The following EPHA6 variants were observed in gnomAD, a reference collection of about 807,000 sequenced individuals.
EPHA6 encodes EPH receptor A6.
EPHA6 carries 50 observed loss-of-function variants against 112.0 expected under a neutral mutation model. That is an observed-to-expected ratio of 0.45 (90% CI 0.36 to 0.56). The LOEUF is 0.56. Among genes scored for constraint, EPHA6 ranks in the 20% least tolerant of loss-of-function variants. The probability of loss-of-function intolerance (pLI) is 0.00; values close to 1 mark genes in which losing one functional copy is unlikely to be tolerated. For missense variants in EPHA6, 1,280 were observed against 1,417.4 expected, an observed-to-expected ratio of 0.90 and a Z score of 1.56; for synonymous variants, 529 against 490.7, an observed-to-expected ratio of 1.08 and a Z score of -1.03.
At chr3:96,876,949 T>G (rs1266406696) in intron 2 of EPHA6, among the ~76,000 whole-genome samples, 1 of 152,112 alleles carries the variant, frequency 6.6e-6, no homozygotes, top group African/African-American at 2.4e-5. Flanking sequence ...AATACTTAAA[T>G]GTCTATCTTT....
At chr3:97,173,337 C>T (rs1475996010) in intron 3 of EPHA6, among the ~76,000 whole-genome samples, 2 of 151,766 alleles carry the variant, frequency 1.3e-5, no homozygotes. Context: ...AATGTCTGTT[C>T]ATACAAAACA....
intron 3 of EPHA6, among the ~76,000 whole-genome samples, chr3:97,130,256 C>T (rs1387642771): frequency 2.6e-5 from 4 of 151,782 alleles, no homozygotes; most frequent in Non-Finnish European, 5.9e-5. Context: ...ATTCTCTTAC[C>T]ATCTCGGGGT....
chr3:97,677,124 G>A (rs1361349742), intron 14 of EPHA6, among the ~76,000 whole-genome samples: 3 of 152,142 alleles, frequency 2.0e-5, no homozygotes, highest in Non-Finnish European at 2.9e-5. Flanking sequence ...AAAAGCTTCA[G>A]TGTGTAACTC....
intron 3 of EPHA6, among the ~76,000 whole-genome samples, chr3:97,093,257 AG>A (rs1184374261): frequency 3.3e-5 from 5 of 152,150 alleles, no homozygotes; most frequent in Admixed American, 3.3e-4. Flanking sequence ...CTGATTTAAA[AG>A]GGGAATAAAG....
In EPHA6 at chr3:97,747,692, A is replaced by G. The variant is rs1053547662; in HGVS notation, c.3278+120A>G. ...GGTAATTTCCAAGTCTTTGCTCACC[A>G]TTTCTGACTATCATTCTAGTGGAAG... On this transcript the variant is annotated intron_variant, in intron 17 of 17. Coordinates refer to ENST00000389672, the MANE Select transcript of EPHA6 (RefSeq NM_001080448.3). 7 of 791,936 alleles carry G rather than the reference A, an allele frequency of 8.8e-6. No homozygotes were observed. The African/African-American group carries it at 1.3e-4, about 14-fold the overall frequency. 49.1% of individuals were successfully genotyped at this position (791,936 alleles called of 1,614,324 possible). A position where few individuals can be genotyped will look rare whatever the true frequency, so the allele number is the denominator to read the frequency against.
At chr3:97,282,949 T>C (rs968130857) in intron 5 of EPHA6, among the ~76,000 whole-genome samples, 1 of 152,096 alleles carries the variant, frequency 6.6e-6, no homozygotes, top group Non-Finnish European at 1.5e-5. Flanking sequence ...TTTACCTGTG[T>C]AACAAACCTC....
intron 13 of EPHA6, among the ~76,000 whole-genome samples, 157 bp downstream of exon 13, chr3:97,611,011 C>G (rs2107459011): frequency 6.6e-6 from 1 of 151,790 alleles, no homozygotes; most frequent in South Asian, 2.1e-4. Context: ...TACTGTGATA[C>G]ATTAGAGTGT....
intron 3 of EPHA6, among the ~76,000 whole-genome samples, chr3:97,029,164 A>G (rs1378474589): frequency 6.6e-6 from 1 of 151,814 alleles, no homozygotes; most frequent in Non-Finnish European, 1.5e-5. Flanking sequence ...AAGTTAGTAA[A>G]TATTATTTTC....
At chr3:97,149,230 AG>A (rs1414527638) in intron 3 of EPHA6, among the ~76,000 whole-genome samples, 7 of 152,150 alleles carry the variant, frequency 4.6e-5, no homozygotes, top group African/African-American at 1.2e-4. Flanking sequence ...AGATACCTAG[AG>A]GACTTTGATG....
intron 2 of EPHA6, among the ~76,000 whole-genome samples, chr3:96,944,297 T>A (rs995445307): frequency 6.6e-6 from 1 of 152,210 alleles, no homozygotes; most frequent in Non-Finnish European, 1.5e-5. Flanking sequence ...CCTCTTTTTT[T>A]AAACAATTGT....
rs762292230 is a variant in EPHA6, at chr3:97,720,347, C to T, written c.2871C>T (p.Gly957=). ...CAGCAAGCGATGCATGGAGCTATGGCATTGTCATGTGGGAGGTCATGTCCT... is the reference window on the plus strand; with the variant it reads ...CAGCAAGCGATGCATGGAGCTATGGTATTGTCATGTGGGAGGTCATGTCCT... ...FSSASDAWSY[G]IVMWEVMSYG... Residue 957 remains glycine, a synonymous_variant, in exon 15 of 18, where the codon GGC becomes GGT. Coordinates refer to ENST00000389672, the MANE Select transcript of EPHA6 (RefSeq NM_001080448.3). The T allele has an allele frequency of 1.9e-6, 3 of 1,611,442 alleles. No individual in the cohort carries two copies. In the Admixed American group the frequency reaches 5.0e-5, roughly 27 times the overall value.
chr3:97,234,757 A>G (rs370223343), intron 4 of EPHA6, among the ~76,000 whole-genome samples: 2 of 151,826 alleles, frequency 1.3e-5, no homozygotes, highest in African/African-American at 2.4e-5. Context: ...TTATCTTTTC[A>G]TATGTTCTCC....
chr3:97,098,635 CTA>C (rs1163189222), intron 3 of EPHA6, among the ~76,000 whole-genome samples: 1 of 151,808 alleles, frequency 6.6e-6, no homozygotes, highest in Non-Finnish European at 1.5e-5. Context: ...AGTTGAACCT[CTA>C]AGACTTTTTC....
chr3:96,916,373 G>A (rs1241499178), intron 2 of EPHA6, among the ~76,000 whole-genome samples: 1 of 151,840 alleles, frequency 6.6e-6, no homozygotes, highest in Non-Finnish European at 1.5e-5. Flanking sequence ...CTTTTTTTTG[G>A]TAACATCTTT....
intron 6 of EPHA6, among the ~76,000 whole-genome samples, chr3:97,424,568 C>A (rs1357595201): frequency 6.6e-6 from 1 of 152,026 alleles, no homozygotes; most frequent in Non-Finnish European, 1.5e-5. Flanking sequence ...TTTTGGAAGG[C>A]CAAGGCGGGC....
intron 2 of EPHA6, among the ~76,000 whole-genome samples, chr3:96,978,219 C>A (rs1336376793): frequency 2.0e-5 from 3 of 152,080 alleles, no homozygotes; most frequent in Non-Finnish European, 4.4e-5. Context: ...TTAAATGGAA[C>A]TGGACGATCA....
intron 5 of EPHA6, among the ~76,000 whole-genome samples, chr3:97,356,468 CTA>C (rs2084084397): frequency 6.6e-6 from 1 of 152,172 alleles, no homozygotes; most frequent in African/African-American, 2.4e-5. Context: ...AGCTGTTTCA[CTA>C]TGTCTTATAA....
At chr3:96,973,092 A>G (rs751469557) in intron 2 of EPHA6, among the ~76,000 whole-genome samples, 2 of 152,212 alleles carry the variant, frequency 1.3e-5, no homozygotes, top group Non-Finnish European at 2.9e-5. Flanking sequence ...CTGACTTTCT[A>G]TACCCAAAAG....
chr3:97,461,845 C>T (rs550253278), intron 7 of EPHA6, among the ~76,000 whole-genome samples: 2 of 152,260 alleles, frequency 1.3e-5, no homozygotes, highest in South Asian at 2.1e-4. Flanking sequence ...AGAAACTCCA[C>T]GTTTTGACTT....
Sources: allele counts gnomAD v4.1 joint callset (sites outside exome capture counted in the v4.1 genomes callset), GRCh38; gene constraint gnomAD v4.1.1; transcripts MANE v1.5; gene names NCBI Gene and HGNC (gene_info 2026-07-23, HGNC 2026-07-21).